The following OR56A3 variants were observed in gnomAD, a reference collection of about 807,000 sequenced individuals.
The protein encoded by OR56A3 is olfactory receptor family 56 subfamily A member 3.
In OR56A3, 23 loss-of-function variants were observed where a neutral mutation model predicts 17.5. The observed-to-expected ratio is 1.32, with a 90% CI of 0.95 to 1.87. The LOEUF (loss-of-function observed/expected upper bound fraction) is 1.87, where lower values mean the gene tolerates loss of function less well. OR56A3 is among the 40% of genes most tolerant of loss of function. OR56A3 has a pLI of 0.00. For synonymous variants in OR56A3, 175 were observed against 150.6 expected (o/e 1.16, Z -1.19); for missense variants, 366 against 380.1 (o/e 0.96, Z 0.31).
the OR56A3 span, among the ~76,000 whole-genome samples, chr11:6,015,665 G>A: frequency 6.6e-6 from 1 of 152,230 alleles, no homozygotes; most frequent in South Asian, 2.1e-4. Flanking sequence ...GGAACATGGA[G>A]TCAAAGGAGA....
downstream of OR56A3, among the ~76,000 whole-genome samples, chr11:5,952,580 G>T (rs538043196): frequency 1.3e-5 from 2 of 151,532 alleles, no homozygotes; most frequent in Admixed American, 6.6e-5. Context: ...TTATTATGGT[G>T]GGGGGGTTGT....
the OR56A3 span, among the ~76,000 whole-genome samples, chr11:5,962,933 A>G: frequency 1.3e-5 from 2 of 152,088 alleles, no homozygotes; most frequent in African/African-American, 4.8e-5. Context: ...TGTAGGTTTT[A>G]TGTGTCCAAA....
downstream of OR56A3, among the ~76,000 whole-genome samples, chr11:5,955,608 T>G (rs1206062998): frequency 6.6e-6 from 1 of 152,134 alleles, no homozygotes; most frequent in Non-Finnish European, 1.5e-5. Context: ...GACTTGCAGT[T>G]GTATACATTG....
chr11:5,982,719 A>T, the OR56A3 span, among the ~76,000 whole-genome samples: 1 of 152,282 alleles, frequency 6.6e-6, no homozygotes, highest in East Asian at 1.9e-4. Context: ...TGGGCTCCAC[A>T]TAGACTGGAG....
chr11:5,943,313 T>C (rs1225613954), intron 1 of OR56A3: 1 of 152,062 alleles, frequency 6.6e-6, no homozygotes, highest in Admixed American at 6.5e-5. Context: ...AGACAGAAAA[T>C]ATACTTTTTC....
the OR56A3 span, among the ~76,000 whole-genome samples, chr11:6,015,769 C>G: frequency 6.6e-6 from 1 of 152,174 alleles, no homozygotes; most frequent in African/African-American, 2.4e-5. Flanking sequence ...TTTCCTACTG[C>G]CTGTACCCCC....
chr11:5,960,546 C>T, the OR56A3 span, among the ~76,000 whole-genome samples: 1 of 152,232 alleles, frequency 6.6e-6, no homozygotes, highest in Non-Finnish European at 1.5e-5. Flanking sequence ...CAGACGGAGT[C>T]TCGCTCACTC....
the OR56A3 span, among the ~76,000 whole-genome samples, chr11:5,964,149 A>G: frequency 6.6e-6 from 1 of 151,316 alleles, no homozygotes; most frequent in African/African-American, 2.4e-5. Context: ...TGTGTATTTT[A>G]TTAAAGTTTA....
At chr11:5,986,450 G>A in the OR56A3 span, 340,305 of 1,613,706 alleles carry the variant, frequency 0.21, 37,926 homozygotes, top group African/African-American at 0.38. Flanking sequence ...ATTCCGATGC[G>A]CCCTATGACC....
chr11:6,010,855 G>A, the OR56A3 span, among the ~76,000 whole-genome samples: 2 of 151,210 alleles, frequency 1.3e-5, no homozygotes, highest in African/African-American at 4.9e-5. Flanking sequence ...GTGTGTGCAC[G>A]TGAATGTGTG....
chr11:5,947,286 C>A (rs1310874731), intron 2 of OR56A3, 25 bp from the exon 3 acceptor site: 1 of 1,406,414 alleles, frequency 7.1e-7, no homozygotes, highest in Non-Finnish European at 9.7e-7. Context: ...GAATCCACAG[C>A]TAGTTTGTAA....
chr11:5,945,253 A>G (rs1287138099), intron 2 of OR56A3, among the ~76,000 whole-genome samples, 171 bp downstream of exon 2: 3 of 152,176 alleles, frequency 2.0e-5, no homozygotes, highest in Non-Finnish European at 2.9e-5. Flanking sequence ...TTATAGGATC[A>G]GTGGGGCAAA....
At chr11:6,011,080 T>C in the OR56A3 span, among the ~76,000 whole-genome samples, 2 of 152,090 alleles carry the variant, frequency 1.3e-5, no homozygotes, top group African/African-American at 2.4e-5. Context: ...AACTAATAAA[T>C]GCTCCTATCA....
the OR56A3 span, chr11:6,002,260 C>A: frequency 6.2e-7 from 1 of 1,614,134 alleles, no homozygotes; most frequent in Non-Finnish European, 8.5e-7. Context: ...AAGTGGGAAC[C>A]ACACGTGCTC....
At chr11:5,991,849 C>T in the OR56A3 span, among the ~76,000 whole-genome samples, 1 of 152,252 alleles carries the variant, frequency 6.6e-6, no homozygotes, top group Admixed American at 6.5e-5. Flanking sequence ...GATATTATTA[C>T]CAATTGGCAG....
chr11:5,994,510 CT>C, the OR56A3 span: 1 of 859,082 alleles, frequency 1.2e-6, no homozygotes. Flanking sequence ...CTTTTACTTC[CT>C]TTTCATGGTT....
chr11:6,002,041 C>G, the OR56A3 span: 4 of 1,543,474 alleles, frequency 2.6e-6, no homozygotes, highest in Non-Finnish European at 3.5e-6. Flanking sequence ...GGATCTAATC[C>G]TTTTTATTCT....
chr11:5,989,227 C>T, the OR56A3 span, among the ~76,000 whole-genome samples: 1 of 152,166 alleles, frequency 6.6e-6, no homozygotes, highest in African/African-American at 2.4e-5. Context: ...AGTCCATTGT[C>T]TTTTTTGCCT....
chr11:5,963,588 T>C, the OR56A3 span, among the ~76,000 whole-genome samples: 2 of 152,190 alleles, frequency 1.3e-5, no homozygotes, highest in African/African-American at 2.4e-5. Context: ...CTTCTTTATA[T>C]GTTATTTGCT....
Sources: gnomAD v4.1 joint callset for allele counts (sites outside exome capture counted in the v4.1 genomes callset) on GRCh38, gnomAD v4.1.1 for gene constraint, MANE v1.5 for transcripts, NCBI Gene and HGNC (gene_info 2026-07-23, HGNC 2026-07-21) for gene names.